CSMD3: variants seen among roughly 807,000 people sequenced by gnomAD.
CSMD3 encodes the protein CUB and sushi domain-containing protein 3.
In CSMD3, 177 loss-of-function variants were observed where a neutral mutation model predicts 435.2. That is an observed-to-expected ratio of 0.41 (90% confidence interval 0.36 to 0.46). The LOEUF is 0.46. Among genes scored for constraint, CSMD3 ranks in the 20% least tolerant of loss-of-function variants. The pLI, the probability that CSMD3 is intolerant of heterozygous loss-of-function variation, is 0.34. For synonymous variants in CSMD3, 1,656 were observed against 1,520.5 expected (o/e 1.09, Z -2.07); for missense variants, 4,265 against 4,504.6 (o/e 0.95, Z 1.52).
rs778615749 is a variant in CSMD3, at chr8:112,289,396, G to C, written c.9117C>G (p.Gly3039=). The change falls in exon 57 of 71, where the codon GGC becomes GGG. Residue 3039 remains glycine (G), a synonymous_variant. Coordinates refer to ENST00000297405, the MANE Select transcript of CSMD3 (RefSeq NM_198123.2). ...GQSSRTCQLN[G]HWSGSQPHCS... is the part of the protein sequence containing the mutation. ...AATGAGGTTGTGATCCACTCCAATGGCCATTCAATTGGCAGGTTCTTGATG... is the reference window on the plus strand; with the variant it reads ...AATGAGGTTGTGATCCACTCCAATGCCCATTCAATTGGCAGGTTCTTGATG... The C allele has an allele frequency of 1.2e-6, 2 of 1,613,148 alleles. No homozygotes were observed. The highest frequency in any genetic ancestry group is 1.7e-6 in the Non-Finnish European group (2 of 1,179,482).
chr8:113,410,825 A>C (rs2094554994), intron 1 of CSMD3, among the ~76,000 whole-genome samples: 2 of 151,072 alleles, frequency 1.3e-5, no homozygotes, highest in African/African-American at 4.9e-5. Flanking sequence ...GGATCGCTTA[A>C]GTTTTGTAAG....
chr8:112,924,916 A>C (rs1162960943), intron 9 of CSMD3, among the ~76,000 whole-genome samples: 1 of 152,088 alleles, frequency 6.6e-6, no homozygotes, highest in Admixed American at 6.6e-5. Flanking sequence ...CATATCAAGC[A>C]CTCAGTTATT....
chr8:112,425,219 A>G (rs1325900141), intron 32 of CSMD3, among the ~76,000 whole-genome samples: 1 of 152,210 alleles, frequency 6.6e-6, no homozygotes, highest in Non-Finnish European at 1.5e-5. Context: ...CATCCTGAAA[A>G]GCTTTGTGAA....
intron 9 of CSMD3, among the ~76,000 whole-genome samples, chr8:112,931,976 A>G (rs1387130034): frequency 6.6e-6 from 1 of 152,198 alleles, no homozygotes; most frequent in African/African-American, 2.4e-5. Context: ...GAGGAAAGGT[A>G]ACTCTTACAC....
chr8:112,919,647 A>G (rs1041270357), intron 10 of CSMD3, among the ~76,000 whole-genome samples: 5 of 151,934 alleles, frequency 3.3e-5, no homozygotes, highest in Middle Eastern at 6.8e-3. Context: ...GATATTTGAA[A>G]CATATCATTT....
chr8:112,829,854 G>T, intron 11 of CSMD3, 65 bp from the exon 12 acceptor site: 2 of 824,260 alleles, frequency 2.4e-6, no homozygotes. Flanking sequence ...AACAAAAAAA[G>T]CAATGACAGA....
chr8:113,418,411 T>A (rs1382307333), intron 1 of CSMD3, among the ~76,000 whole-genome samples: 1 of 152,138 alleles, frequency 6.6e-6, no homozygotes, highest in Non-Finnish European at 1.5e-5. Context: ...TGAGCCGTGA[T>A]TTTTGCAGCG....
At chr8:113,299,808 A>G (rs1414576902) in intron 2 of CSMD3, among the ~76,000 whole-genome samples, 1 of 152,132 alleles carries the variant, frequency 6.6e-6, no homozygotes, top group Admixed American at 6.6e-5. Flanking sequence ...CAGCTTGGCC[A>G]ACCTGGTGAA....
intron 1 of CSMD3, among the ~76,000 whole-genome samples, chr8:113,317,660 T>C (rs910227697): frequency 6.6e-5 from 10 of 152,184 alleles, no homozygotes; most frequent in Non-Finnish European, 1.5e-4. Context: ...ACTTTAAAAA[T>C]TTGAAAATCA....
intron 13 of CSMD3, among the ~76,000 whole-genome samples, chr8:112,732,055 T>A (rs2077086764): frequency 6.6e-6 from 1 of 151,624 alleles, no homozygotes; most frequent in Non-Finnish European, 1.5e-5. Flanking sequence ...ATTGTGTGAG[T>A]GTGTGTGTGT....
intron 37 of CSMD3, among the ~76,000 whole-genome samples, chr8:112,382,858 A>G (rs1179745803): frequency 1.3e-5 from 2 of 151,974 alleles, no homozygotes; most frequent in Non-Finnish European, 2.9e-5. Flanking sequence ...GGGCGTAGTG[A>G]CGCATGTCTG....
intron 7 of CSMD3, among the ~76,000 whole-genome samples, chr8:112,954,973 G>A (rs963662618): frequency 2.0e-5 from 3 of 151,290 alleles, no homozygotes; most frequent in Non-Finnish European, 4.4e-5. Flanking sequence ...TATTCTACAG[G>A]GAAAATCCTG....
At chr8:112,439,058 C>T (rs887112697) in intron 32 of CSMD3, among the ~76,000 whole-genome samples, 1 of 152,158 alleles carries the variant, frequency 6.6e-6, no homozygotes, top group Non-Finnish European at 1.5e-5. Context: ...CCTCTGCATG[C>T]TTCACAGATA....
In CSMD3 at chr8:112,314,389, C is replaced by A. The variant is rs771171926; in HGVS notation, c.7549+40G>T. On this transcript the variant is annotated intron_variant, in intron 48 of 70. Coordinates refer to ENST00000297405, the MANE Select transcript of CSMD3 (RefSeq NM_198123.2). ...TACATGTATAATTAGAACATTTGTACTTAATTGATGAATATCCAATAAATA... is the reference window on the plus strand; with the variant it reads ...TACATGTATAATTAGAACATTTGTAATTAATTGATGAATATCCAATAAATA... 3 of 1,361,260 alleles carry A rather than the reference C, an allele frequency of 2.2e-6. No individual in the cohort carries two copies. The Admixed American group carries it at 5.0e-5, about 23-fold the overall frequency. The allele number at this position is 1,361,260 out of a possible 1,614,324, so 84.3% of individuals were successfully genotyped here.
intron 10 of CSMD3, among the ~76,000 whole-genome samples, chr8:112,906,233 C>A (rs2082257898): frequency 1.3e-5 from 2 of 150,912 alleles, no homozygotes; most frequent in African/African-American, 4.9e-5. Flanking sequence ...AATCTCAGAC[C>A]CTCACAGTTC....
chr8:113,086,802 T>C (rs147913458), intron 5 of CSMD3, among the ~76,000 whole-genome samples: 1 of 152,176 alleles, frequency 6.6e-6, no homozygotes, highest in African/African-American at 2.4e-5. Flanking sequence ...ATGATCTGTA[T>C]TTTCCTTGAA....
At chr8:112,292,416 C>CT in intron 55 of CSMD3, 121 bp downstream of exon 55, 1 of 894,032 alleles carries the variant, frequency 1.1e-6, no homozygotes, top group Non-Finnish European at 1.8e-6. Flanking sequence ...AGTATTAAAG[C>CT]TTTTTGTTTT....
rs560572740 is a variant in CSMD3 at position 113,428,074 on chromosome 8, C to T, written c.178+8603G>A. ...CCTGTGCATTTACTTTGCTTACTAT[C>T]GCTTATAAAAGTAGAAAGTATCTTT... On this transcript the variant is annotated intron_variant, in intron 1 of 70. Coordinates refer to ENST00000297405, the MANE Select transcript of CSMD3 (RefSeq NM_198123.2). Among the ~76,000 whole-genome samples, 11 of 151,696 alleles carry T rather than the reference C, an allele frequency of 7.3e-5. No homozygotes were observed. In the East Asian group the frequency reaches 1.4e-3, roughly 19 times the overall value.
intron 13 of CSMD3, among the ~76,000 whole-genome samples, chr8:112,706,493 G>A (rs1196882206): frequency 4.6e-5 from 7 of 152,124 alleles, no homozygotes; most frequent in African/African-American, 7.2e-5. Flanking sequence ...TTGCATGGAT[G>A]TGTGTGTATT....
Sources: allele counts gnomAD v4.1 joint callset (sites outside exome capture counted in the v4.1 genomes callset), GRCh38; gene constraint gnomAD v4.1.1; transcripts MANE v1.5; gene names NCBI Gene and HGNC (gene_info 2026-07-23, HGNC 2026-07-21).